USH1C: variants seen among roughly 807,000 people sequenced by gnomAD.
USH1C encodes the protein USH1 protein network component harmonin.
A neutral mutation model predicts 119.3 loss-of-function variants in USH1C; 90 were observed. That is an observed-to-expected ratio of 0.75 (90% confidence interval 0.64 to 0.90). The LOEUF (loss-of-function observed/expected upper bound fraction) is 0.90, where lower values mean the gene tolerates loss of function less well. Ranked by LOEUF, USH1C falls within the 40% of genes least tolerant of loss-of-function variation. The probability of loss-of-function intolerance (pLI) is 0.00; values close to 1 mark genes in which losing one functional copy is unlikely to be tolerated. For synonymous variants in USH1C, 465 were observed against 443.3 expected, an observed-to-expected ratio of 1.05 and a Z score of -0.62; for missense variants, 1,165 against 1,167.7, an observed-to-expected ratio of 1.00 and a Z score of 0.03.
intron 11 of USH1C, 51 bp from the exon 12 acceptor site, chr11:17,522,977 C>A (rs1247827879): frequency 6.3e-7 from 1 of 1,598,398 alleles, no homozygotes; most frequent in South Asian, 1.1e-5. Flanking sequence ...ACCTGGGGAT[C>A]CCCTGACACA....
At chr11:17,517,969 A>G (rs1850231369) in intron 14 of USH1C, among the ~76,000 whole-genome samples, 1 of 152,226 alleles carries the variant, frequency 6.6e-6, no homozygotes, top group South Asian at 2.1e-4. Flanking sequence ...GGACATCCCA[A>G]AAGGTAAAAG....
At position 17,511,905 on chromosome 11, in the gene USH1C, C is replaced by T. The variant is rs1454117758; in HGVS notation, c.1410G>A (p.Gln470=). 5.6e-6 allele frequency: 9 copies of T among 1,613,498 alleles called. No individual in the cohort carries two copies. Among genetic ancestry groups the T allele is most frequent in the Non-Finnish European group, 7.6e-6 (9 of 1,179,844 alleles). Residue 470 remains glutamine, a synonymous_variant, in exon 16 of 27, where the codon CAG becomes CAA. Transcript: ENST00000005226. ...GGCCTGCAGGCAGGACACATACCTC[C>T]TGGGCCAGCCGGTTGATCTTTAGCT... ...EKQLKINRLA[Q]EVSETEREDL... is the part of the protein sequence containing the mutation.
intron 1 of USH1C, among the ~76,000 whole-genome samples, chr11:17,536,041 C>G (rs944416258): frequency 6.6e-6 from 1 of 152,220 alleles, no homozygotes; most frequent in Non-Finnish European, 1.5e-5. Context: ...TATCTCTAAG[C>G]CCCATCTCTC....
intron 26 of USH1C, chr11:17,495,211 C>A (rs983964178): frequency 1.8e-5 from 6 of 342,434 alleles, no homozygotes; most frequent in Admixed American, 3.9e-5. Context: ...TCCTTCAGCC[C>A]CACATGCCTG....
intron 15 of USH1C, among the ~76,000 whole-genome samples, chr11:17,513,342 G>A (rs12804801): frequency 7.3e-5 from 11 of 150,404 alleles, no homozygotes; most frequent in Admixed American, 1.3e-4. Context: ...GCTCACCCCC[G>A]CCCCCAACAA....
chr11:17,513,344 C>CG (rs1849985062), intron 15 of USH1C, among the ~76,000 whole-genome samples: 1 of 152,104 alleles, frequency 6.6e-6, no homozygotes, highest in African/African-American at 2.4e-5. Flanking sequence ...TCACCCCCGC[C>CG]CCCAACAAGC....
intron 12 of USH1C, among the ~76,000 whole-genome samples, chr11:17,522,040 C>G (rs1850437380): frequency 6.6e-6 from 1 of 152,110 alleles, no homozygotes; most frequent in African/African-American, 2.4e-5. Flanking sequence ...ACCATGCTGG[C>G]CAGGCTGGTC....
chr11:17,518,051 T>C (rs1850234942), intron 14 of USH1C, among the ~76,000 whole-genome samples: 1 of 152,194 alleles, frequency 6.6e-6, no homozygotes, highest in Non-Finnish European at 1.5e-5. Context: ...CATTCCAGAG[T>C]TTCCAGCTTG....
In USH1C at chr11:17,527,078, C is replaced by T. The variant is rs529201267; in HGVS notation, c.497-38G>A. ...GGCACAGGGGTTAGGACAGCTCCCC[C>T]GCCCTCCCTCCCTCCCACCGTCATG... On this transcript the variant is annotated intron_variant, in intron 5 of 26. Transcript: ENST00000005226. The T allele has an allele frequency of 4.2e-5, 63 of 1,508,042 alleles. No individual in the cohort carries two copies. In the East Asian group the frequency reaches 1.0e-3, roughly 25 times the overall value. 93.4% of individuals were successfully genotyped at this position (1,508,042 alleles called of 1,614,324 possible). A position where few individuals can be genotyped will look rare whatever the true frequency, so the allele number is the denominator to read the frequency against.
chr11:17,516,290 G>GATAT lies in USH1C; in HGVS notation c.1211-1_1211insATAT (p.Ser404TyrfsTer23). On this transcript the variant is annotated frameshift_variant and splice_region_variant. Coordinates refer to ENST00000005226, the MANE Select transcript of USH1C (RefSeq NM_153676.4). LOFTEE classifies it high-confidence loss of function. ...ATCGTAACGATAAAACCATCCAAAA[G>GATAT]CTATAAGACACAGATAACAAAATGA... 6.2e-7 allele frequency: 1 copy of GATAT among 1,612,900 alleles called. No homozygotes were observed. The highest frequency in any genetic ancestry group is 8.5e-7 in the Non-Finnish European group (1 of 1,179,584).
Position 17,494,218 on chromosome 11 carries a change from T to C in USH1C, c.*114A>G. 7.5e-7 allele frequency: 1 copy of C among 1,334,800 alleles called. No homozygotes were observed. The highest frequency in any genetic ancestry group is 1.1e-6 in the Non-Finnish European group (1 of 950,264). 82.7% of individuals were successfully genotyped at this position (1,334,800 alleles called of 1,614,324 possible). A position where few individuals can be genotyped will look rare whatever the true frequency, so the allele number is the denominator to read the frequency against. On this transcript the variant is annotated 3_prime_UTR_variant, in exon 27 of 27. Transcript: ENST00000005226. Reference sequence around the variant, plus strand: ...TTCAGGGCCAAAGGGAGTTTGAGATTCCTGGGTGATAGATTCAGGTCCCAA... The same window carrying C: ...TTCAGGGCCAAAGGGAGTTTGAGATCCCTGGGTGATAGATTCAGGTCCCAA...
At position 17,522,838 on chromosome 11, in the gene USH1C, C is replaced by G; in HGVS notation, c.965G>C (p.Arg322Pro). ...LQRQELLMQK[R>P]LAMESNKILQ... ...GATCTTGTTGGACTCCATCGCCAGC[C>G]GCTTCTGCATGAGAAGCTCCTGCCG... The change falls in exon 12 of 27, where the codon CGG (arginine) becomes CCG (proline). Residue 322 changes from arginine to proline, a missense_variant. Coordinates refer to ENST00000005226, the MANE Select transcript of USH1C (RefSeq NM_153676.4). 6.2e-7 allele frequency: 1 copy of G among 1,613,724 alleles called. No individual in the cohort carries two copies. The highest frequency in any genetic ancestry group is 1.1e-5 in the South Asian group (1 of 91,066).
chr11:17,539,330 G>A (rs1851358611), intron 1 of USH1C, among the ~76,000 whole-genome samples: 1 of 152,140 alleles, frequency 6.6e-6, no homozygotes, highest in African/African-American at 2.4e-5. Context: ...CCTGGCTTGT[G>A]AGTGTGGTGG....
Position 17,509,356 on chromosome 11 carries a change from C to G in USH1C, c.2013G>C (p.Lys671Asn). The G allele has an allele frequency of 1.3e-6, 2 of 1,575,464 alleles. No homozygotes were observed. Among genetic ancestry groups the G allele is most frequent in the Non-Finnish European group, 1.7e-6 (2 of 1,156,202 alleles). Residue 671 changes from lysine to asparagine, a missense_variant and splice_region_variant, in exon 18 of 27, where the codon AAG becomes AAC. Transcript: ENST00000005226. Reference sequence around the variant, plus strand: ...ATAGCATGCAGAACAGGGACATTACCTTTGGGGTGGGTGGGAAGCTCTGTT... The same window carrying G: ...ATAGCATGCAGAACAGGGACATTACGTTTGGGGTGGGTGGGAAGCTCTGTT... ...VPEQSFPPTP[K>N]TFCPSPQPPR...
chr11:17,525,828 A>G (rs1007701650), intron 8 of USH1C, among the ~76,000 whole-genome samples: 2 of 152,212 alleles, frequency 1.3e-5, no homozygotes, highest in Non-Finnish European at 2.9e-5. Context: ...CTCATCTGTA[A>G]ATTGGGCTCT....
chr11:17,494,150 G>T lies in USH1C; in HGVS notation c.*182C>A. ...TGGCTGCTCCCTTTCCTCCACGTTGGCCTTCAGAAGAGTGGCCCGAGCTGT... is the reference window on the plus strand; with the variant it reads ...TGGCTGCTCCCTTTCCTCCACGTTGTCCTTCAGAAGAGTGGCCCGAGCTGT... On this transcript the variant is annotated 3_prime_UTR_variant, in exon 27 of 27. Coordinates refer to ENST00000005226, the MANE Select transcript of USH1C (RefSeq NM_153676.4). 1 of 702,430 alleles carries T rather than the reference G, an allele frequency of 1.4e-6. No individual in the cohort carries two copies. The allele number at this position is 702,430 out of a possible 1,614,324, so 43.5% of individuals were successfully genotyped here. A position where few individuals can be genotyped will look rare whatever the true frequency, so the allele number is the denominator to read the frequency against.
At position 17,510,459 on chromosome 11, in the gene USH1C, C is replaced by G; in HGVS notation, c.1476G>C (p.Arg492Ser). 1.9e-6 allele frequency: 3 copies of G among 1,613,242 alleles called. No individual in the cohort carries two copies. The highest frequency in any genetic ancestry group is 1.3e-5 in the African/African-American group (1 of 75,008). ...ESEKIQYWVE[R>S]LCQTRLEQIS... ...TCTGCTCGAGGCGCGTTTGACAGAG[C>G]CTCTCCACCCAATATTGAATCTTTT... is the stretch of plus-strand genomic sequence containing the variant. Residue 492 changes from arginine to serine, a missense_variant, in exon 17 of 27, where the codon AGG becomes AGC. Physicochemically the swap from Arg to Ser is moderately radical, Grantham distance 110. Transcript: ENST00000005226.
Position 17,531,613 on chromosome 11 carries a change from G to A in USH1C, c.105-71C>T, listed in dbSNP as rs1850990629. 3.8e-6 allele frequency: 6 copies of A among 1,590,828 alleles called. No individual in the cohort carries two copies. The South Asian group carries it at 4.5e-5, about 12-fold the overall frequency. On this transcript the variant is annotated intron_variant, in intron 2 of 26. Transcript: ENST00000005226. The surrounding 1 kb of genome is among the most constrained non-coding windows in gnomAD (Gnocchi z 4.2). ...CCTCAGGCACCCAGGGATTCCAAGA[G>A]GAAGCCATTTCAGCCACTGGGCCCA...
rs1197457579 is a variant in USH1C, at chr11:17,494,228, T to C, written c.*104A>G. The C allele has an allele frequency of 2.2e-6, 3 of 1,378,350 alleles. No homozygotes were observed. The highest frequency in any genetic ancestry group is 2.5e-5 in the East Asian group (1 of 40,352). The allele number at this position is 1,378,350 out of a possible 1,614,324, so 85.4% of individuals were successfully genotyped here. ...AAGGGAGTTTGAGATTCCTGGGTGA[T>C]AGATTCAGGTCCCAAGGATGCCATC... On this transcript the variant is annotated 3_prime_UTR_variant, in exon 27 of 27. Coordinates refer to ENST00000005226, the MANE Select transcript of USH1C (RefSeq NM_153676.4).
Sources: gnomAD v4.1 joint callset for allele counts (sites outside exome capture counted in the v4.1 genomes callset) on GRCh38, gnomAD v4.1.1 for gene constraint, Gnocchi (gnomAD v3.1) non-coding constraint, MANE v1.5 for transcripts, NCBI Gene and HGNC (gene_info 2026-07-23, HGNC 2026-07-21) for gene names.